DAB1: variants seen among roughly 807,000 people sequenced by gnomAD.
DAB1 encodes DAB adaptor protein 1.
Under a neutral mutation model 64.6 loss-of-function variants are expected in DAB1, and 15 were observed. That is an observed-to-expected ratio of 0.23 (90% CI 0.16 to 0.36). The LOEUF (loss-of-function observed/expected upper bound fraction) is 0.36. DAB1 is among the 10% of genes least tolerant of loss of function. The probability of loss-of-function intolerance (pLI) is 1.00; values close to 1 mark genes in which losing one functional copy is unlikely to be tolerated. For synonymous variants in DAB1, 235 were observed against 251.9 expected (o/e 0.93, Z 0.64); for missense variants, 596 against 706.7 (o/e 0.84, Z 1.78).
chr1:57,508,791 G>C (rs1190798506), intron 7 of DAB1, among the ~76,000 whole-genome samples: 2 of 152,154 alleles, frequency 1.3e-5, no homozygotes, highest in Non-Finnish European at 2.9e-5. Context: ...AATTCCTTGA[G>C]ATAGGGAGAG....
intron 6 of DAB1, among the ~76,000 whole-genome samples, chr1:57,732,025 G>A (rs1647451774): frequency 1.3e-5 from 2 of 152,150 alleles, no homozygotes; most frequent in African/African-American, 4.8e-5. Context: ...TATGGGTAGG[G>A]AAGGGCATTC....
chr1:57,013,471 G>C (rs571459550), intron 12 of DAB1, among the ~76,000 whole-genome samples: 1 of 152,290 alleles, frequency 6.6e-6, no homozygotes, highest in Non-Finnish European at 1.5e-5. Flanking sequence ...TTGAAACCCT[G>C]TGAGTCTGCA....
chr1:58,466,393 T>G (rs756178051), intron 3 of DAB1, among the ~76,000 whole-genome samples: 1 of 152,000 alleles, frequency 6.6e-6, no homozygotes, highest in Non-Finnish European at 1.5e-5. Flanking sequence ...CCTAACAGAT[T>G]TCTTGCATGT....
At chr1:57,070,626 C>T (rs866301856) in intron 7 of DAB1, 85 of 228,180 alleles carry the variant, frequency 3.7e-4, no homozygotes, top group Middle Eastern at 1.8e-3. Context: ...TGGGTCTGTG[C>T]TAAAATGCTA....
chr1:58,313,848 T>TGA (rs1358014875), intron 4 of DAB1, among the ~76,000 whole-genome samples: 138 of 145,176 alleles, frequency 9.5e-4, no homozygotes, highest in African/African-American at 3.4e-3. Context: ...TGTGTGTGTG[T>TGA]GTGTGTGTGA....
chr1:57,220,036 C>G (rs1395191287), intron 2 of DAB1, among the ~76,000 whole-genome samples: 1 of 152,188 alleles, frequency 6.6e-6, no homozygotes, highest in African/African-American at 2.4e-5. Context: ...GAAGATCTCA[C>G]AAGGCCTAGA....
At chr1:57,767,947 C>T (rs569108061) in intron 6 of DAB1, among the ~76,000 whole-genome samples, 22 of 151,708 alleles carry the variant, frequency 1.5e-4, no homozygotes, top group African/African-American at 4.8e-4. Flanking sequence ...GAGGCTGAGG[C>T]GGGTGGATCA....
chr1:57,553,080 A>G (rs1485799590), intron 7 of DAB1, among the ~76,000 whole-genome samples: 2 of 151,868 alleles, frequency 1.3e-5, no homozygotes, highest in Non-Finnish European at 2.9e-5. Flanking sequence ...AGGGCTGGAG[A>G]GGTGCAGATT....
chr1:57,431,659 T>C (rs985136423), intron 7 of DAB1, among the ~76,000 whole-genome samples: 1 of 152,224 alleles, frequency 6.6e-6, no homozygotes, highest in African/African-American at 2.4e-5. Context: ...ATTGTATTTA[T>C]GCCACCAATC....
chr1:57,751,350 C>T (rs1453673272), intron 6 of DAB1, among the ~76,000 whole-genome samples: 1 of 152,034 alleles, frequency 6.6e-6, no homozygotes, highest in African/African-American at 2.4e-5. Flanking sequence ...TTTGGCAACT[C>T]TGAGTTCAAG....
At chr1:58,352,727 T>G (rs1477726529) in intron 3 of DAB1, among the ~76,000 whole-genome samples, 1 of 152,182 alleles carries the variant, frequency 6.6e-6, no homozygotes. Context: ...GTTGAAATCC[T>G]AACCCCTAAA....
At chr1:57,222,240 TC>T (rs1666937258) in intron 2 of DAB1, among the ~76,000 whole-genome samples, 1 of 152,206 alleles carries the variant, frequency 6.6e-6, no homozygotes, top group Admixed American at 6.5e-5. Context: ...CTTTCCTTTT[TC>T]CTTTCCTTCC....
At position 57,718,202 on chromosome 1, in the gene DAB1, A is replaced by G. The variant is rs59602224; in HGVS notation, n.552-68537T>C. ...ATGATAAATATTTAAGGTGATTGAT[A>G]CAGTAATTACCCTCATTTAATCCTT... On this transcript the variant is annotated intron_variant and non_coding_transcript_variant, in intron 6 of 20. Coordinates refer to the DAB1 transcript ENST00000485760. Among the ~76,000 whole-genome samples the G allele has an allele frequency of 2.2e-3, 331 of 152,322 alleles. 1 individual carries two copies. The highest frequency in any genetic ancestry group is 7.4e-3 in the African/African-American group (306 of 41,574).
rs779444086 is a variant in DAB1 at position 58,199,503 on chromosome 1, A to C, written n.310-48915T>G. Among the ~76,000 whole-genome samples, 35 of 152,144 alleles carry C rather than the reference A, an allele frequency of 2.3e-4. 1 individual carries two copies. The highest frequency in any genetic ancestry group is 5.1e-4 in the Non-Finnish European group (35 of 68,010). ...TTTTTAGTTCCTTTTTTGTAAAATG[A>C]GGATAAGAGAACCAGCTTATAGGAT... is the stretch of plus-strand genomic sequence containing the variant. On this transcript the variant is annotated intron_variant and non_coding_transcript_variant, in intron 4 of 20. Coordinates refer to the DAB1 transcript ENST00000485760.
chr1:57,012,360 C>A (rs1324621539), intron 12 of DAB1, among the ~76,000 whole-genome samples: 1 of 152,168 alleles, frequency 6.6e-6, no homozygotes, highest in Non-Finnish European at 1.5e-5. Flanking sequence ...AATATAAATA[C>A]CTGCAAGTTG....
chr1:58,286,822 A>G (rs600438), intron 4 of DAB1, among the ~76,000 whole-genome samples: 139,895 of 152,262 alleles, frequency 0.92, 64,285 homozygotes, highest in Middle Eastern at 0.95. Flanking sequence ...TACTGGGTAC[A>G]TACCCAAAGG....
chr1:58,028,286 A>G (rs573711661), intron 5 of DAB1, among the ~76,000 whole-genome samples: 1 of 152,280 alleles, frequency 6.6e-6, no homozygotes, highest in South Asian at 2.1e-4. Flanking sequence ...AATACGTAAC[A>G]TTGTTTTATG....
intron 1 of DAB1, among the ~76,000 whole-genome samples, chr1:57,349,030 C>T (rs1489691790): frequency 6.6e-5 from 10 of 152,156 alleles, no homozygotes; most frequent in Admixed American, 6.5e-4. Flanking sequence ...GAACAAAAAA[C>T]CTTCCACCTC....
chr1:58,043,531 C>T (rs918764145), intron 5 of DAB1, among the ~76,000 whole-genome samples: 9 of 152,158 alleles, frequency 5.9e-5, no homozygotes, highest in African/African-American at 1.7e-4. Flanking sequence ...CTCTCTTCAC[C>T]CATGACCCAT....
Sources: allele counts gnomAD v4.1 joint callset (sites outside exome capture counted in the v4.1 genomes callset), GRCh38; gene constraint gnomAD v4.1.1; transcripts MANE v1.5; gene names NCBI Gene and HGNC (gene_info 2026-07-23, HGNC 2026-07-21).